Variants in NLK observed in about 807,000 individuals in gnomAD.
The protein encoded by NLK is serine/threonine-protein kinase NLK.
NLK carries 11 observed loss-of-function variants against 59.0 expected under a neutral mutation model. That is an observed-to-expected ratio of 0.19 (90% CI 0.12 to 0.31). The LOEUF is 0.31. Ranked by LOEUF, NLK falls within the 10% of genes least tolerant of loss-of-function variation. The probability of loss-of-function intolerance (pLI) is 1.00; values close to 1 mark genes in which losing one functional copy is unlikely to be tolerated. For synonymous variants in NLK, 235 were observed against 235.9 expected, an observed-to-expected ratio of 1.00 and a Z score of 0.03; for missense variants, 410 against 661.1, an observed-to-expected ratio of 0.62 and a Z score of 4.16.
chr17:28,175,945 CAATT>C (rs1455925467), intron 7 of NLK, among the ~76,000 whole-genome samples: 4 of 152,192 alleles, frequency 2.6e-5, no homozygotes, highest in South Asian at 2.1e-4. Flanking sequence ...ATGTTTATCT[CAATT>C]GATGCAGAAA....
intron 1 of NLK, among the ~76,000 whole-genome samples, chr17:28,062,643 C>A (rs1909700903): frequency 6.6e-6 from 1 of 152,108 alleles, no homozygotes; most frequent in Admixed American, 6.5e-5. Context: ...TACAGTGGTG[C>A]AGTCACAGCT....
At chr17:28,108,268 A>G (rs1180665815) in intron 1 of NLK, among the ~76,000 whole-genome samples, 1 of 152,162 alleles carries the variant, frequency 6.6e-6, no homozygotes, top group African/African-American at 2.4e-5. Context: ...CAAAAGTATA[A>G]AGGAAATGTA....
intron 1 of NLK, chr17:28,116,210 TG>T (rs1205880934): frequency 6.1e-6 from 1 of 162,614 alleles, no homozygotes; most frequent in African/African-American, 2.4e-5. Flanking sequence ...GTGGATGCCT[TG>T]GATAATTCAT....
At chr17:28,069,971 C>T (rs545870194) in intron 1 of NLK, among the ~76,000 whole-genome samples, 3 of 152,174 alleles carry the variant, frequency 2.0e-5, no homozygotes, top group East Asian at 3.9e-4. Context: ...CATGGTGTTT[C>T]GTGCCTGTAA....
rs34954436 is a variant in NLK at position 28,185,720 on chromosome 17, G to T, written c.1236+455G>T. Among the ~76,000 whole-genome samples the T allele has an allele frequency of 7.1e-3, 1,082 of 152,170 alleles. 9 individuals are homozygous for T. Among genetic ancestry groups the T allele is most frequent in the Non-Finnish European group, 0.012 (786 of 68,002 alleles). On this transcript the variant is annotated intron_variant, in intron 8 of 10. Coordinates refer to ENST00000407008, the MANE Select transcript of NLK (RefSeq NM_016231.5). ...TGCTCAGCTAATTTCTAAATATTTT[G>T]TAGAGAAGAGGTCTCACTATATTGC...
In NLK at chr17:28,191,008, A is replaced by G. The variant is rs755370174; in HGVS notation, c.1237-13A>G. On this transcript the variant is annotated splice_polypyrimidine_tract_variant and intron_variant, in intron 8 of 10. Coordinates refer to ENST00000407008, the MANE Select transcript of NLK (RefSeq NM_016231.5). ...CTGTAGTGTTGATGTGCTGGTCTCTAATTTGATTTCAGTCCAAAAGAATAT... is the reference window on the plus strand; with the variant it reads ...CTGTAGTGTTGATGTGCTGGTCTCTGATTTGATTTCAGTCCAAAAGAATAT... 39 of 1,572,092 alleles carry G rather than the reference A, an allele frequency of 2.5e-5. No homozygotes were observed. Among genetic ancestry groups the G allele is most frequent in the Non-Finnish European group, 3.2e-5 (37 of 1,160,616 alleles).
intron 3 of NLK, among the ~76,000 whole-genome samples, chr17:28,142,603 T>C (rs994205116): frequency 1.3e-5 from 2 of 152,196 alleles, no homozygotes; most frequent in Admixed American, 1.3e-4. Context: ...ATCAACCATA[T>C]CTGTAAACCA....
intron 7 of NLK, among the ~76,000 whole-genome samples, chr17:28,174,062 G>C (rs1908576838): frequency 6.6e-6 from 1 of 152,182 alleles, no homozygotes. Flanking sequence ...CCTGTCTGCT[G>C]TCTAGATAGA....
chr17:28,173,750 T>G (rs1423805651), intron 7 of NLK, among the ~76,000 whole-genome samples: 1 of 152,192 alleles, frequency 6.6e-6, no homozygotes, highest in Non-Finnish European at 1.5e-5. Flanking sequence ...ACTAACAAGA[T>G]CTATTATGTT....
intron 1 of NLK, among the ~76,000 whole-genome samples, chr17:28,055,992 A>G (rs978259382): frequency 6.6e-6 from 1 of 152,212 alleles, no homozygotes; most frequent in East Asian, 1.9e-4. Flanking sequence ...GAGTAATAGT[A>G]TGTTTATTGT....
At chr17:28,110,671 G>C (rs1415963567) in intron 1 of NLK, among the ~76,000 whole-genome samples, 1 of 151,632 alleles carries the variant, frequency 6.6e-6, no homozygotes, top group South Asian at 2.1e-4. Flanking sequence ...CTGAGGTTTT[G>C]TTCATTTTTT....
intron 1 of NLK, among the ~76,000 whole-genome samples, chr17:28,058,492 C>G (rs1909516914): frequency 6.6e-6 from 1 of 152,188 alleles, no homozygotes; most frequent in Non-Finnish European, 1.5e-5. Context: ...ACCCACCGAT[C>G]CACTAAAAAT....
chr17:28,109,405 A>C (rs1905367528), intron 1 of NLK, among the ~76,000 whole-genome samples: 1 of 152,176 alleles, frequency 6.6e-6, no homozygotes, highest in South Asian at 2.1e-4. Context: ...TATACCATCA[A>C]ATTTACCCAT....
chr17:28,102,158 TTTG>T (rs1161348228), intron 1 of NLK, among the ~76,000 whole-genome samples: 8 of 152,146 alleles, frequency 5.3e-5, no homozygotes, highest in Admixed American at 2.6e-4. Context: ...GGTTTACCAT[TTTG>T]TTGTTGTTGT....
intron 1 of NLK, among the ~76,000 whole-genome samples, chr17:28,067,198 TTTC>T (rs1909857220): frequency 6.6e-6 from 1 of 152,230 alleles, no homozygotes; most frequent in African/African-American, 2.4e-5. Flanking sequence ...AATTCTGCGT[TTTC>T]TTCTAAAAGT....
chr17:28,144,216 G>T (rs1907136245), intron 3 of NLK, among the ~76,000 whole-genome samples: 1 of 151,932 alleles, frequency 6.6e-6, no homozygotes, highest in Non-Finnish European at 1.5e-5. Context: ...CATTTAAAAG[G>T]CCTTCCTGTC....
rs1042711975 is a variant in NLK, at chr17:28,042,880, CTT to C, written c.9_10del (p.Cys4TrpfsTer118). 5.3e-6 allele frequency: 8 copies of C among 1,503,098 alleles called. No individual in the cohort carries two copies. Among genetic ancestry groups the C allele is most frequent in the African/African-American group, 4.2e-5 (3 of 71,964 alleles). The allele number at this position is 1,503,098 out of a possible 1,614,324, so 93.1% of individuals were successfully genotyped here. On this transcript the variant is annotated frameshift_variant, in exon 1 of 11. Transcript: ENST00000407008. LOFTEE classifies it high-confidence loss of function. The stretch of plus-strand genomic sequence containing the variant: ...CAAAGGGCATTTATTTTGAATGTCT[CTT>C]TGTGGCGCAAGAGCCAACGCAAAAA... The part of the protein sequence containing the change: MS[L>X]CGARANAKMM...
intron 3 of NLK, among the ~76,000 whole-genome samples, chr17:28,152,796 T>C (rs1268392945): frequency 6.6e-6 from 1 of 151,146 alleles, no homozygotes; most frequent in Admixed American, 6.6e-5. Context: ...GCTAACTTTA[T>C]TTTTTTTTGT....
downstream of NLK, among the ~76,000 whole-genome samples, chr17:28,197,603 A>G (rs977827053): frequency 1.3e-5 from 2 of 152,216 alleles, no homozygotes; most frequent in Non-Finnish European, 2.9e-5. Context: ...TGGGAATTGC[A>G]AAACTGTGGA....
Sources: allele counts gnomAD v4.1 joint callset (sites outside exome capture counted in the v4.1 genomes callset), GRCh38; gene constraint gnomAD v4.1.1; transcripts MANE v1.5; gene names NCBI Gene and HGNC (gene_info 2026-07-23, HGNC 2026-07-21).